MYO1B: variants seen among roughly 807,000 people sequenced by gnomAD.
MYO1B encodes myosin IB, also known as unconventional myosin-Ib.
A neutral mutation model predicts 159.7 loss-of-function variants in MYO1B; 72 were observed. The ratio of observed to expected loss-of-function variants is 0.45; its 90% CI spans 0.37 to 0.55. The LOEUF (loss-of-function observed/expected upper bound fraction) is 0.55. Among genes scored for constraint, MYO1B ranks in the 20% least tolerant of loss-of-function variants. The pLI, the probability that MYO1B is intolerant of heterozygous loss-of-function variation, is 0.00. For missense variants in MYO1B, 1,062 were observed against 1,364.8 expected, an observed-to-expected ratio of 0.78 and a Z score of 3.50; for synonymous variants, 468 against 473.8, an observed-to-expected ratio of 0.99 and a Z score of 0.16.
At chr2:191,291,546 G>A (rs1042501604) in intron 2 of MYO1B, among the ~76,000 whole-genome samples, 1 of 152,030 alleles carries the variant, frequency 6.6e-6, no homozygotes, top group Non-Finnish European at 1.5e-5. Flanking sequence ...CTGAGCAGAG[G>A]CATAGAGGGA....
At chr2:191,391,476 T>C (rs967763804) in intron 18 of MYO1B, among the ~76,000 whole-genome samples, 1 of 152,216 alleles carries the variant, frequency 6.6e-6, no homozygotes, top group African/African-American at 2.4e-5. Flanking sequence ...TTCCCATTGC[T>C]AATTTCCGGG....
chr2:191,329,268 TG>T (rs1371570342), intron 3 of MYO1B, among the ~76,000 whole-genome samples: 2 of 152,256 alleles, frequency 1.3e-5, no homozygotes, highest in Non-Finnish European at 2.9e-5. Context: ...TTGGGAGGCT[TG>T]GGCTGGACAA....
chr2:191,412,185 G>A (rs1432304974), intron 27 of MYO1B, among the ~76,000 whole-genome samples: 1 of 152,182 alleles, frequency 6.6e-6, no homozygotes, highest in Non-Finnish European at 1.5e-5. Context: ...ATCCAAAGTT[G>A]TCCAAAGTGC....
At chr2:191,300,377 T>C (rs1052146204) in intron 3 of MYO1B, among the ~76,000 whole-genome samples, 5 of 150,922 alleles carry the variant, frequency 3.3e-5, no homozygotes, top group East Asian at 3.9e-4. Context: ...TCTCGCTCGC[T>C]CTGTCGCCCA....
At chr2:191,362,874 G>A (rs1693762533) in intron 9 of MYO1B, among the ~76,000 whole-genome samples, 2 of 152,158 alleles carry the variant, frequency 1.3e-5, no homozygotes, top group Non-Finnish European at 2.9e-5. Flanking sequence ...ACATGATATG[G>A]TAACTGGGAT....
At chr2:191,370,152 T>C in intron 12 of MYO1B, 75 bp from the exon 13 acceptor site, 1 of 918,048 alleles carries the variant, frequency 1.1e-6, no homozygotes, top group Non-Finnish European at 1.7e-6. Flanking sequence ...TTGTAATATA[T>C]ATCTATGTTC....
At chr2:191,272,717 G>T (rs1470337667) in intron 1 of MYO1B, among the ~76,000 whole-genome samples, 1 of 152,070 alleles carries the variant, frequency 6.6e-6, no homozygotes, top group Non-Finnish European at 1.5e-5. Context: ...CTGGCATCTT[G>T]AATTTTTTTC....
At chr2:191,372,638 C>T (rs1167631261) in intron 13 of MYO1B, among the ~76,000 whole-genome samples, 1 of 152,138 alleles carries the variant, frequency 6.6e-6, no homozygotes, top group Non-Finnish European at 1.5e-5. Flanking sequence ...AGTTTGTTTG[C>T]TACAGACCTA....
At chr2:191,382,758 G>C (rs1475196835) in intron 14 of MYO1B, among the ~76,000 whole-genome samples, 2 of 152,106 alleles carry the variant, frequency 1.3e-5, no homozygotes, top group South Asian at 2.1e-4. Flanking sequence ...CTTTCCTTAT[G>C]TTGAAAATAC....
rs17511242 is a variant in MYO1B, at chr2:191,262,435, C to G, written c.-9-14452C>G. On this transcript the variant is annotated intron_variant, in intron 1 of 30. Transcript: ENST00000392318. The stretch of plus-strand genomic sequence containing the variant: ...CTTAAGCCTCCTTTAAATTTGTTGT[C>G]TCTATTGTGCTCAAAATCATTTTGG... Among the ~76,000 whole-genome samples the G allele has an allele frequency of 2.7e-3, 414 of 152,262 alleles. 7 individuals are homozygous for G. Among genetic ancestry groups the G allele is most frequent in the East Asian group, 0.021 (110 of 5,188 alleles).
chr2:191,378,955 G>A (rs1694881795), intron 13 of MYO1B, among the ~76,000 whole-genome samples: 2 of 152,256 alleles, frequency 1.3e-5, no homozygotes, highest in South Asian at 4.1e-4. Flanking sequence ...AGAAGCATTG[G>A]ATTTTGAAGC....
chr2:191,393,853 A>C (rs371575189), intron 20 of MYO1B, among the ~76,000 whole-genome samples: 1 of 152,118 alleles, frequency 6.6e-6, no homozygotes, highest in South Asian at 2.1e-4. Flanking sequence ...TGTTGAAGGC[A>C]TACCACAGGT....
At position 191,360,179 on chromosome 2, in the gene MYO1B, G is replaced by A. The variant is rs559023999; in HGVS notation, c.563-452G>A. Among the ~76,000 whole-genome samples the A allele has an allele frequency of 3.3e-5, 5 of 152,230 alleles. No individual in the cohort carries two copies. The South Asian group carries it at 1.0e-3, about 32-fold the overall frequency. On this transcript the variant is annotated intron_variant, in intron 7 of 30. Coordinates refer to ENST00000392318, the MANE Select transcript of MYO1B (RefSeq NM_001130158.3). ...AACTGTAGAATGATACCTTATAAAA[G>A]GGTTGGGAGGATTCAGTGAGATACC...
chr2:191,359,847 A>G (rs1693551646), intron 7 of MYO1B, among the ~76,000 whole-genome samples: 1 of 152,244 alleles, frequency 6.6e-6, no homozygotes, highest in African/African-American at 2.4e-5. Context: ...ATTGAGTGAT[A>G]AGCAGGGCTC....
chr2:191,256,716 T>C (rs1458873964), intron 1 of MYO1B, among the ~76,000 whole-genome samples: 1 of 152,202 alleles, frequency 6.6e-6, no homozygotes, highest in Non-Finnish European at 1.5e-5. Flanking sequence ...ATAAAATTAT[T>C]TGAAGAAAGA....
At chr2:191,402,348 C>G (rs1331029505) in intron 23 of MYO1B, 10 of 410,362 alleles carry the variant, frequency 2.4e-5, no homozygotes, top group Non-Finnish European at 2.7e-5. Context: ...AGAGAGAGAA[C>G]AGGAGAAAAA....
At chr2:191,395,268 T>G (rs1696000740) in intron 20 of MYO1B, among the ~76,000 whole-genome samples, 1 of 152,214 alleles carries the variant, frequency 6.6e-6, no homozygotes, top group Non-Finnish European at 1.5e-5. Flanking sequence ...TTTCCACCTC[T>G]TCATTTAACA....
intron 20 of MYO1B, among the ~76,000 whole-genome samples, chr2:191,395,259 T>A (rs1307457586): frequency 6.6e-6 from 1 of 152,202 alleles, no homozygotes; most frequent in Non-Finnish European, 1.5e-5. Context: ...CCTAGAGATT[T>A]TCCACCTCTT....
chr2:191,367,991 A>G (rs1694117854), intron 11 of MYO1B, among the ~76,000 whole-genome samples: 1 of 152,184 alleles, frequency 6.6e-6, no homozygotes, highest in Admixed American at 6.5e-5. Flanking sequence ...TGCATTTTCT[A>G]CTATGGAAGC....
Sources: gnomAD v4.1 joint callset for allele counts (sites outside exome capture counted in the v4.1 genomes callset) on GRCh38, gnomAD v4.1.1 for gene constraint, MANE v1.5 for transcripts, NCBI Gene and HGNC (gene_info 2026-07-23, HGNC 2026-07-21) for gene names.